The following SUGCT variants were observed in gnomAD, a reference collection of about 807,000 sequenced individuals.
The protein encoded by SUGCT is succinyl-CoA:glutarate CoA-transferase.
SUGCT carries 41 observed loss-of-function variants against 55.0 expected under a neutral mutation model. The ratio of observed to expected loss-of-function variants is 0.74; its 90% CI spans 0.58 to 0.97. SUGCT has a LOEUF of 0.97. Among genes scored for constraint, SUGCT ranks in the 50% least tolerant of loss-of-function variants. The pLI is 0.00. For missense variants in SUGCT, 568 were observed against 547.8 expected (o/e 1.04, Z -0.37); for synonymous variants, 187 against 200.4 (o/e 0.93, Z 0.56).
At chr7:40,223,744 A>G (rs1474534539) in intron 6 of SUGCT, among the ~76,000 whole-genome samples, 1 of 152,190 alleles carries the variant, frequency 6.6e-6, no homozygotes, top group Non-Finnish European at 1.5e-5. Flanking sequence ...TACTTGAGTT[A>G]CTTTTATTCT....
chr7:40,689,490 C>T (rs969924605), intron 12 of SUGCT, among the ~76,000 whole-genome samples: 8 of 152,180 alleles, frequency 5.3e-5, no homozygotes, highest in South Asian at 2.1e-4. Flanking sequence ...TTTAGTGGAA[C>T]ATAATCCTCT....
chr7:40,199,156 C>G (rs766580238), intron 6 of SUGCT, among the ~76,000 whole-genome samples: 5 of 151,994 alleles, frequency 3.3e-5, no homozygotes, highest in Admixed American at 6.6e-5. Context: ...TCAGTGCTGT[C>G]CAAGCCCAAA....
chr7:40,750,202 G>A (rs150426770), intron 13 of SUGCT, among the ~76,000 whole-genome samples: 20 of 152,228 alleles, frequency 1.3e-4, no homozygotes, highest in African/African-American at 4.8e-4. Context: ...CCCTCCCACA[G>A]CCTCCATTTC....
chr7:40,296,861 T>G (rs992284866), intron 8 of SUGCT, among the ~76,000 whole-genome samples: 30 of 152,196 alleles, frequency 2.0e-4, no homozygotes, highest in African/African-American at 5.5e-4. Flanking sequence ...GAGTAGTGGT[T>G]AGGAGCATGG....
intron 11 of SUGCT, among the ~76,000 whole-genome samples, chr7:40,465,882 AAT>A (rs1562797006): frequency 1.3e-5 from 2 of 151,972 alleles, no homozygotes; most frequent in African/African-American, 4.8e-5. Context: ...AAAAAAAATA[AAT>A]AAATATATTT....
chr7:40,901,004 A>G, the SUGCT span, among the ~76,000 whole-genome samples: 3 of 152,208 alleles, frequency 2.0e-5, no homozygotes, highest in Non-Finnish European at 2.9e-5. Flanking sequence ...ATGGATGTGT[A>G]TGTGTGTGTA....
chr7:40,638,239 G>T (rs1239474736), intron 12 of SUGCT, among the ~76,000 whole-genome samples: 2 of 152,134 alleles, frequency 1.3e-5, no homozygotes, highest in African/African-American at 2.4e-5. Context: ...TAAAACATAG[G>T]CAATTAATTA....
intron 13 of SUGCT, among the ~76,000 whole-genome samples, chr7:40,762,228 T>C (rs540139546): frequency 3.7e-4 from 57 of 152,248 alleles, no homozygotes; most frequent in Non-Finnish European, 6.3e-4. Context: ...TCCTCTTCAT[T>C]GAGCCTCAGT....
At chr7:40,731,278 A>G (rs1786875577) in intron 12 of SUGCT, among the ~76,000 whole-genome samples, 1 of 152,226 alleles carries the variant, frequency 6.6e-6, no homozygotes, top group Non-Finnish European at 1.5e-5. Context: ...AAAAGTGCAG[A>G]GACAGAAGTC....
the SUGCT span, among the ~76,000 whole-genome samples, chr7:40,893,229 G>A: frequency 6.6e-6 from 1 of 152,058 alleles, no homozygotes; most frequent in Non-Finnish European, 1.5e-5. Context: ...AACAGTAGGG[G>A]ACTTCAATAC....
intron 9 of SUGCT, among the ~76,000 whole-genome samples, chr7:40,367,315 T>C (rs1421394042): frequency 6.6e-6 from 1 of 151,406 alleles, no homozygotes; most frequent in Non-Finnish European, 1.5e-5. Flanking sequence ...TACCTAATGC[T>C]AAATGACGAG....
At chr7:40,427,336 T>C (rs1451655000) in intron 9 of SUGCT, among the ~76,000 whole-genome samples, 1 of 152,154 alleles carries the variant, frequency 6.6e-6, no homozygotes, top group Admixed American at 6.6e-5. Flanking sequence ...AAGACATAAC[T>C]AAAGTTCTGT....
intron 5 of SUGCT, among the ~76,000 whole-genome samples, chr7:40,193,546 A>C (rs944656843): frequency 6.6e-5 from 10 of 151,466 alleles, no homozygotes; most frequent in Non-Finnish European, 1.3e-4. Context: ...AGGCCCCCCA[A>C]AGTGCTGGGA....
chr7:40,437,793 A>T (rs770678926), intron 9 of SUGCT, among the ~76,000 whole-genome samples: 13 of 152,180 alleles, frequency 8.5e-5, no homozygotes, highest in Non-Finnish European at 1.6e-4. Context: ...GTCTTTTTCC[A>T]GTGGGTGATG....
chr7:40,896,107 C>A, the SUGCT span, among the ~76,000 whole-genome samples: 1 of 151,662 alleles, frequency 6.6e-6, no homozygotes, highest in Admixed American at 6.6e-5. Flanking sequence ...AAGATTCCAC[C>A]AAAAAATCTG....
At chr7:40,484,710 G>A (rs1791237797) in intron 11 of SUGCT, among the ~76,000 whole-genome samples, 1 of 152,070 alleles carries the variant, frequency 6.6e-6, no homozygotes. Flanking sequence ...TATTTCTTGT[G>A]GTGCCTGGTA....
At chr7:40,909,626 C>A in the SUGCT span, among the ~76,000 whole-genome samples, 3 of 152,150 alleles carry the variant, frequency 2.0e-5, no homozygotes, top group Non-Finnish European at 4.4e-5. Context: ...CTTTGCTTGG[C>A]TTTTCATTCT....
At chr7:40,651,615 AC>A (rs1800786162) in intron 12 of SUGCT, among the ~76,000 whole-genome samples, 1 of 152,186 alleles carries the variant, frequency 6.6e-6, no homozygotes, top group South Asian at 2.1e-4. Context: ...AACTGCTTAC[AC>A]ATGACTTTCT....
chr7:40,705,310 T>C (rs1785347631), intron 12 of SUGCT, among the ~76,000 whole-genome samples: 1 of 152,214 alleles, frequency 6.6e-6, no homozygotes, highest in East Asian at 1.9e-4. Context: ...GTATAATGTA[T>C]ATGTATTATG....
Sources: allele counts gnomAD v4.1 joint callset (sites outside exome capture counted in the v4.1 genomes callset), GRCh38; gene constraint gnomAD v4.1.1; transcripts MANE v1.5; gene names NCBI Gene and HGNC (gene_info 2026-07-23, HGNC 2026-07-21).